LARP1: variants seen among roughly 807,000 people sequenced by gnomAD.
The protein encoded by LARP1 is la-related protein 1.
In LARP1, 36 loss-of-function variants were observed where a neutral mutation model predicts 122.7. That is an observed-to-expected ratio of 0.29 (90% CI 0.22 to 0.39). The LOEUF (loss-of-function observed/expected upper bound fraction) is 0.39, where lower values mean the gene tolerates loss of function less well. Ranked by LOEUF, LARP1 falls within the 10% of genes least tolerant of loss-of-function variation. The pLI is 1.00. For synonymous variants in LARP1, 539 were observed against 528.7 expected (o/e 1.02, Z -0.27); for missense variants, 1,040 against 1,403.6 (o/e 0.74, Z 4.14).
chr5:154,788,332 G>A (rs531034124), intron 1 of LARP1, among the ~76,000 whole-genome samples: 1 of 152,254 alleles, frequency 6.6e-6, no homozygotes, highest in South Asian at 2.1e-4. Flanking sequence ...CTGTTGGCTG[G>A]GTTCCACAGC....
intron 1 of LARP1, among the ~76,000 whole-genome samples, chr5:154,731,527 G>A (rs2113405414): frequency 6.6e-6 from 1 of 152,204 alleles, no homozygotes; most frequent in East Asian, 1.9e-4. Context: ...CTCTCAAAAT[G>A]TCTGATCCTT....
chr5:154,716,687 G>A (rs1226875984), intron 1 of LARP1, among the ~76,000 whole-genome samples: 2 of 152,198 alleles, frequency 1.3e-5, no homozygotes, highest in African/African-American at 4.8e-5. Flanking sequence ...GACCTCAAGT[G>A]ATCCACCTGC....
chr5:154,808,750 C>T (rs1350683133), intron 16 of LARP1, 147 bp downstream of exon 16: 3 of 762,848 alleles, frequency 3.9e-6, no homozygotes, highest in Non-Finnish European at 6.1e-6. Flanking sequence ...TTTAAATGAG[C>T]AGTATATTCA....
intron 8 of LARP1, among the ~76,000 whole-genome samples, chr5:154,797,373 A>T (rs1175178111): frequency 2.0e-5 from 3 of 151,188 alleles, no homozygotes; most frequent in Non-Finnish European, 4.4e-5. Flanking sequence ...AGCTGGTATT[A>T]CAGGCATGCA....
rs1256706531 is a variant in LARP1, at chr5:154,817,567, C to G, written c.*3471C>G. On this transcript the variant is annotated 3_prime_UTR_variant, in exon 19 of 19. Transcript: ENST00000518297. ...GGTAATTATGCTTTTCTTTTTAATA[C>G]AAAAAAATGTATAAAAATAAACACT... 1.3e-5 allele frequency: 2 copies of G among 152,396 alleles called. No homozygotes were observed. Among genetic ancestry groups the G allele is most frequent in the African/African-American group, 4.8e-5 (2 of 41,374 alleles). The allele number at this position is 152,396 out of a possible 1,614,324, so 9.4% of individuals were successfully genotyped here. A position where few individuals can be genotyped will look rare whatever the true frequency, so the allele number is the denominator to read the frequency against.
chr5:154,751,261 G>A (rs992506140), upstream of LARP1, among the ~76,000 whole-genome samples: 1 of 152,106 alleles, frequency 6.6e-6, no homozygotes, highest in Non-Finnish European at 1.5e-5. Flanking sequence ...CTGATAGTTA[G>A]CTGCTGCCTA....
chr5:154,730,283 G>T (rs1756475698), intron 1 of LARP1, among the ~76,000 whole-genome samples: 1 of 151,776 alleles, frequency 6.6e-6, no homozygotes, highest in Non-Finnish European at 1.5e-5. Context: ...CTGCCTTCTG[G>T]GTTCAAACGA....
intron 16 of LARP1, among the ~76,000 whole-genome samples, chr5:154,809,898 G>A (rs1466880355): frequency 4.0e-5 from 6 of 151,488 alleles, no homozygotes; most frequent in African/African-American, 9.7e-5. Flanking sequence ...TAGTAGAGAC[G>A]AGGTTTCGCT....
chr5:154,806,505 T>G (rs1016361388), intron 15 of LARP1, among the ~76,000 whole-genome samples: 2 of 152,238 alleles, frequency 1.3e-5, no homozygotes, highest in East Asian at 1.9e-4. Context: ...AAAAAAGATT[T>G]GTGACAGAGA....
chr5:154,733,899 A>G (rs772077312), intron 1 of LARP1, among the ~76,000 whole-genome samples: 5 of 152,072 alleles, frequency 3.3e-5, no homozygotes, highest in Non-Finnish European at 5.9e-5. Context: ...AAGAGTTTTA[A>G]TAATAGTACC....
intron 10 of LARP1, among the ~76,000 whole-genome samples, chr5:154,801,601 G>C (rs140671229): frequency 6.6e-6 from 1 of 152,354 alleles, no homozygotes; most frequent in African/African-American, 2.4e-5. Context: ...AAGCAAGGCA[G>C]CTGTGGATCA....
At chr5:154,734,831 G>A (rs1398530248) in intron 1 of LARP1, among the ~76,000 whole-genome samples, 2 of 151,916 alleles carry the variant, frequency 1.3e-5, no homozygotes, top group East Asian at 1.9e-4. Flanking sequence ...CCCTTTTCCC[G>A]CTCCCTCCAG....
At chr5:154,751,447 A>G (rs1753484023), upstream of LARP1, among the ~76,000 whole-genome samples, 1 of 152,244 alleles carries the variant, frequency 6.6e-6, no homozygotes, top group African/African-American at 2.4e-5. Flanking sequence ...ATTAAATGAG[A>G]TAATGAATAT....
intron 1 of LARP1, among the ~76,000 whole-genome samples, chr5:154,777,326 C>G (rs956991462): frequency 6.7e-6 from 1 of 149,886 alleles, no homozygotes; most frequent in Non-Finnish European, 1.5e-5. Context: ...GCCTGGCCAA[C>G]GTGGTGAAAC....
At chr5:154,804,448 G>T in intron 14 of LARP1, 141 bp downstream of exon 14, 1 of 675,612 alleles carries the variant, frequency 1.5e-6, no homozygotes, top group South Asian at 1.8e-5. Context: ...CAGTGGTGTG[G>T]AAAGCTCAGC....
intron 1 of LARP1, among the ~76,000 whole-genome samples, chr5:154,703,177 C>T (rs1200199334): frequency 6.7e-6 from 1 of 149,998 alleles, no homozygotes; most frequent in Non-Finnish European, 1.5e-5. Context: ...AGCAGATGAG[C>T]CTGCTTTCCC....
At chr5:154,691,798 GTTCTT>G (rs375253936) in intron 1 of LARP1, among the ~76,000 whole-genome samples, 30 of 138,984 alleles carry the variant, frequency 2.2e-4, no homozygotes, top group South Asian at 2.1e-3. Flanking sequence ...CACCCTTTTC[GTTCTT>G]TTTTTTTTTT....
chr5:154,759,939 GTTTGTTTGTTTGTTTT>G lies in LARP1; in HGVS notation c.436+3751_436+3766del, dbSNP rs534540233. 5.6e-3 allele frequency among the ~76,000 whole-genome samples: 793 copies of G among 141,524 alleles called. 5 individuals are homozygous for G. Among genetic ancestry groups the G allele is most frequent in the African/African-American group, 0.021 (755 of 36,194 alleles). The allele number at this position is 141,524 out of a possible 152,430, so 92.8% of individuals were successfully genotyped here. On this transcript the variant is annotated intron_variant, in intron 1 of 18. Coordinates refer to ENST00000518297, the MANE Select transcript of LARP1 (RefSeq NM_033551.3). ...GCTAAGTTTGTTTGTTTGTTTGTTT[GTTTGTTTGTTTGTTTT>G]TTTGGAGACAGTCTGGCTCTGTCGC...
chr5:154,743,561 G>C (rs1753023367), intron 1 of LARP1, among the ~76,000 whole-genome samples: 1 of 151,634 alleles, frequency 6.6e-6, no homozygotes, highest in Non-Finnish European at 1.5e-5. Flanking sequence ...CACCCGCCTT[G>C]GCCTCCCAAA....
Sources: allele counts gnomAD v4.1 joint callset (sites outside exome capture counted in the v4.1 genomes callset), GRCh38; gene constraint gnomAD v4.1.1; transcripts MANE v1.5; gene names NCBI Gene and HGNC (gene_info 2026-07-23, HGNC 2026-07-21).